MTHFD2L: variants seen among roughly 807,000 people sequenced by gnomAD.
MTHFD2L encodes bifunctional methylenetetrahydrofolate dehydrogenase/cyclohydrolase 2, mitochondrial.
A neutral mutation model predicts 34.9 loss-of-function variants in MTHFD2L; 29 were observed. The ratio of observed to expected loss-of-function variants is 0.83; its 90% CI spans 0.62 to 1.13. MTHFD2L has a LOEUF of 1.13. Ranked by LOEUF, MTHFD2L falls within the 50% of genes most tolerant of loss-of-function variation. The probability of loss-of-function intolerance (pLI) is 0.00; values close to 1 mark genes in which losing one functional copy is unlikely to be tolerated. For missense variants in MTHFD2L, 481 were observed against 446.5 expected, an observed-to-expected ratio of 1.08 and a Z score of -0.70; for synonymous variants, 167 against 155.7, an observed-to-expected ratio of 1.07 and a Z score of -0.54.
chr4:74,175,228 G>A, intron 2 of MTHFD2L, 53 bp from the exon 3 acceptor site: 2 of 1,587,118 alleles, frequency 1.3e-6, no homozygotes, highest in Non-Finnish European at 1.7e-6. Flanking sequence ...CACTATTGAT[G>A]AAAAACCATA....
At chr4:74,176,883 A>T (rs367795364) in intron 3 of MTHFD2L, among the ~76,000 whole-genome samples, 1 of 152,016 alleles carries the variant, frequency 6.6e-6, no homozygotes, top group East Asian at 1.9e-4. Context: ...TAATGCTATT[A>T]TATGGGATCT....
intron 1 of MTHFD2L, among the ~76,000 whole-genome samples, chr4:74,169,879 A>C (rs1363039614): frequency 1.3e-5 from 2 of 152,206 alleles, no homozygotes; most frequent in African/African-American, 4.8e-5. Context: ...TTTGCTTATA[A>C]TTACATACAA....
chr4:74,160,134 T>G, intron 1 of MTHFD2L: 1 of 1,245,658 alleles, frequency 8.0e-7, no homozygotes, highest in Admixed American at 2.3e-5. Flanking sequence ...ACAGTCATCT[T>G]TTTTATATAT....
In MTHFD2L at chr4:74,281,288, A is replaced by G; in HGVS notation, c.806-137A>G. 7.4e-6 allele frequency: 6 copies of G among 815,268 alleles called. 1 individual carries two copies. The highest frequency in any genetic ancestry group is 1.1e-5 in the Non-Finnish European group (6 of 547,178). The allele number at this position is 815,268 out of a possible 1,614,324, so 50.5% of individuals were successfully genotyped here. A position where few individuals can be genotyped will look rare whatever the true frequency, so the allele number is the denominator to read the frequency against. ...TATTCTCTCGGATCAGAAATCATCA[A>G]TGGCCTGTTTTTTAAGGAACAATGT... On this transcript the variant is annotated intron_variant, in intron 6 of 7. Transcript: ENST00000325278.
intron 3 of MTHFD2L, chr4:74,181,657 A>G (rs1037724100): frequency 1.3e-5 from 2 of 152,216 alleles, no homozygotes; most frequent in Middle Eastern, 6.8e-3. Context: ...AATTAGGTAA[A>G]CTCTATCTAT....
chr4:74,178,525 A>G (rs1729488873), intron 3 of MTHFD2L, among the ~76,000 whole-genome samples: 1 of 152,030 alleles, frequency 6.6e-6, no homozygotes, highest in Non-Finnish European at 1.5e-5. Context: ...TGTATTAAAT[A>G]CTAAATTGCC....
At chr4:74,254,610 A>C (rs969204057) in intron 6 of MTHFD2L, among the ~76,000 whole-genome samples, 3 of 148,566 alleles carry the variant, frequency 2.0e-5, no homozygotes, top group African/African-American at 7.4e-5. Context: ...ATGCTGAGGG[A>C]GTTTATCACC....
At chr4:74,242,301 T>A (rs1741841861) in intron 6 of MTHFD2L, 2 of 152,304 alleles carry the variant, frequency 1.3e-5, no homozygotes, top group Non-Finnish European at 1.5e-5. Context: ...TATTTCTGAG[T>A]ATCATGGTAC....
chr4:74,226,425 T>C (rs1423960081), intron 6 of MTHFD2L, among the ~76,000 whole-genome samples: 1 of 152,154 alleles, frequency 6.6e-6, no homozygotes, highest in Non-Finnish European at 1.5e-5. Flanking sequence ...ACTCTTTAAT[T>C]CTCTATTTTA....
chr4:74,148,771 C>T (rs1001162196), intron 1 of MTHFD2L, among the ~76,000 whole-genome samples: 12 of 151,726 alleles, frequency 7.9e-5, no homozygotes, highest in African/African-American at 2.4e-4. Context: ...GAGTCATAAA[C>T]ATGAATGCTC....
chr4:74,301,667 G>A (rs1750344278), intron 7 of MTHFD2L, 30 bp from the exon 8 acceptor site: 1 of 1,282,962 alleles, frequency 7.8e-7, no homozygotes, highest in Non-Finnish European at 1.1e-6. Flanking sequence ...TTAAAATAAA[G>A]AATATCTGTT....
intron 1 of MTHFD2L, among the ~76,000 whole-genome samples, chr4:74,131,391 A>G (rs1722485657): frequency 6.6e-6 from 1 of 152,228 alleles, no homozygotes; most frequent in Non-Finnish European, 1.5e-5. Context: ...ATAGATATAC[A>G]GACCAATGGA....
At chr4:74,271,980 T>A (rs968633013) in intron 6 of MTHFD2L, among the ~76,000 whole-genome samples, 95 of 152,126 alleles carry the variant, frequency 6.2e-4, no homozygotes, top group African/African-American at 2.2e-3. Flanking sequence ...CAGAAGTCAA[T>A]CTGAAGCTGG....
At chr4:74,272,260 C>G (rs1050470699) in intron 6 of MTHFD2L, among the ~76,000 whole-genome samples, 1 of 152,156 alleles carries the variant, frequency 6.6e-6, no homozygotes, top group Admixed American at 6.5e-5. Context: ...TATTTCTGTT[C>G]TAAGCCTGGA....
intron 6 of MTHFD2L, among the ~76,000 whole-genome samples, chr4:74,228,556 C>T (rs917926294): frequency 7.2e-5 from 11 of 152,164 alleles, no homozygotes; most frequent in African/African-American, 2.4e-4. Flanking sequence ...ATTATTATGA[C>T]AAATGGCACA....
chr4:74,163,283 TATTTC>T (rs753425112), intron 1 of MTHFD2L, among the ~76,000 whole-genome samples: 2 of 152,238 alleles, frequency 1.3e-5, no homozygotes, highest in Non-Finnish European at 2.9e-5. Context: ...CATTTGATAA[TATTTC>T]AGTAAAACTG....
At chr4:74,269,792 G>C (rs779551605) in intron 6 of MTHFD2L, among the ~76,000 whole-genome samples, 1 of 152,082 alleles carries the variant, frequency 6.6e-6, no homozygotes, top group South Asian at 2.1e-4. Flanking sequence ...TTTAGGTCCA[G>C]GCGGAAGACT....
intron 5 of MTHFD2L, among the ~76,000 whole-genome samples, chr4:74,219,203 C>G (rs963493762): frequency 6.6e-6 from 1 of 152,102 alleles, no homozygotes; most frequent in Non-Finnish European, 1.5e-5. Context: ...ACCAGTCCCT[C>G]CCAGATACTG....
intron 6 of MTHFD2L, among the ~76,000 whole-genome samples, chr4:74,260,297 G>T (rs774114038): frequency 6.6e-6 from 1 of 152,098 alleles, no homozygotes; most frequent in African/African-American, 2.4e-5. Flanking sequence ...TACACTGTCA[G>T]CCCCCGGCTG....
Sources: gnomAD v4.1 joint callset for allele counts (sites outside exome capture counted in the v4.1 genomes callset) on GRCh38, gnomAD v4.1.1 for gene constraint, MANE v1.5 for transcripts, NCBI Gene and HGNC (gene_info 2026-07-23, HGNC 2026-07-21) for gene names.